The following NWD1 variants were observed in gnomAD, a reference collection of about 807,000 sequenced individuals.
The protein encoded by NWD1 is NACHT domain- and WD repeat-containing protein 1.
NWD1 carries 129 observed loss-of-function variants against 135.1 expected under a neutral mutation model. The observed-to-expected ratio is 0.96, with a 90% CI of 0.83 to 1.11. The LOEUF (loss-of-function observed/expected upper bound fraction) is 1.11. Among genes scored for constraint, NWD1 ranks in the 50% least tolerant of loss-of-function variants. The probability of loss-of-function intolerance (pLI) is 0.00; values close to 1 mark genes in which losing one functional copy is unlikely to be tolerated. For synonymous variants in NWD1, 773 were observed against 786.0 expected (o/e 0.98, Z 0.28); for missense variants, 1,740 against 1,851.3 (o/e 0.94, Z 1.10).
intron 15 of NWD1, 128 bp from the exon 16 acceptor site, chr19:16,797,604 T>C: frequency 1.2e-6 from 1 of 826,780 alleles, no homozygotes; most frequent in Non-Finnish European, 1.9e-6. Flanking sequence ...CGCCTTGGCG[T>C]CCCAAAGTGC....
chr19:16,788,977 T>C lies in NWD1; in HGVS notation c.2732-5T>C, dbSNP rs1970149390. 5.6e-6 allele frequency: 9 copies of C among 1,609,282 alleles called. No homozygotes were observed. The highest frequency in any genetic ancestry group is 6.8e-6 in the Non-Finnish European group (8 of 1,177,274). ...TATACTCTCCCCTACCCTGGCCTGC[T>C]GCAGGAGAGGTGAGGTGTGTGAAAA... On this transcript the variant is annotated splice_polypyrimidine_tract_variant and splice_region_variant and intron_variant, in intron 12 of 18. Coordinates refer to ENST00000524140, the MANE Select transcript of NWD1 (RefSeq NM_001007525.5).
At position 16,732,567 on chromosome 19, in the gene NWD1, G is replaced by T. The variant is rs547572895; in HGVS notation, c.81+1289G>T. Among the ~76,000 whole-genome samples, 12 of 144,244 alleles carry T rather than the reference G, an allele frequency of 8.3e-5. No individual in the cohort carries two copies. The East Asian group carries it at 2.4e-3, about 28-fold the overall frequency. 94.6% of individuals were successfully genotyped at this position (144,244 alleles called of 152,430 possible). On this transcript the variant is annotated intron_variant, in intron 3 of 18. Coordinates refer to ENST00000524140, the MANE Select transcript of NWD1 (RefSeq NM_001007525.5). ...TCCCAAAACAGTAGGAGCCCCTAAT[G>T]CTGTCTCCTTGTACCAATCCCTGGC...
At position 16,744,631 on chromosome 19, in the gene NWD1, T is replaced by C. The variant is rs189689886; in HGVS notation, c.409T>C (p.Leu137=). ...GEACEPEEAT[L]TSVLRSGAQE... is the part of the protein sequence containing the mutation. ...GGCCTGTGAACCAGAGGAGGCCACC[T>C]TAACTTCTGTCCTACGCTCTGGAGC... Residue 137 remains leucine, a synonymous_variant, in exon 5 of 19, where the codon TTA becomes CTA. Coordinates refer to ENST00000524140, the MANE Select transcript of NWD1 (RefSeq NM_001007525.5). 2.3e-5 allele frequency: 35 copies of C among 1,535,318 alleles called. No individual in the cohort carries two copies. Among genetic ancestry groups the C allele is most frequent in the African/African-American group, 2.7e-5 (2 of 73,060 alleles).
At chr19:16,798,376 AAGGC>A (rs879429700) in intron 16 of NWD1, among the ~76,000 whole-genome samples, 3 of 152,148 alleles carry the variant, frequency 2.0e-5, no homozygotes, top group Admixed American at 6.5e-5. Context: ...TTGGAAGGCC[AAGGC>A]AGGTGGATCA....
In NWD1 at chr19:16,800,426, T is replaced by C. The variant is rs146271791; in HGVS notation, c.3736+264T>C. ...GCACATGCCTGTATCCCCAGCTACT[T>C]GCGAGGCTGAGGCAGAATTGTTTGA... On this transcript the variant is annotated intron_variant, in intron 17 of 18. Coordinates refer to ENST00000524140, the MANE Select transcript of NWD1 (RefSeq NM_001007525.5). 2.7e-4 allele frequency among the ~76,000 whole-genome samples: 22 copies of C among 80,216 alleles called. No individual in the cohort carries two copies. The East Asian group carries it at 7.2e-3, about 26-fold the overall frequency. 52.6% of individuals were successfully genotyped at this position (80,216 alleles called of 152,430 possible). A position where few individuals can be genotyped will look rare whatever the true frequency, so the allele number is the denominator to read the frequency against.
At position 16,788,177 on chromosome 19, in the gene NWD1, C is replaced by T. The variant is rs1182373787; in HGVS notation, c.2732-805C>T. On this transcript the variant is annotated intron_variant, in intron 12 of 18. Transcript: ENST00000524140. ...CCCGGGAAGTGAAGGTTGCAATAAGCCAGGGCCACGCCACTGCACTCCAGC... is the reference window on the plus strand; with the variant it reads ...CCCGGGAAGTGAAGGTTGCAATAAGTCAGGGCCACGCCACTGCACTCCAGC... Among the ~76,000 whole-genome samples, 10 of 147,128 alleles carry T rather than the reference C, an allele frequency of 6.8e-5. No homozygotes were observed. The Admixed American group carries it at 6.9e-4, about 10-fold the overall frequency.
chr19:16,739,201 AGG>A (rs1280740406), intron 4 of NWD1, among the ~76,000 whole-genome samples: 19 of 149,628 alleles, frequency 1.3e-4, no homozygotes, highest in African/African-American at 2.5e-5. Flanking sequence ...AAAAAAAAAA[AGG>A]AGAGAGAGGC....
At chr19:16,725,447 C>T (rs889317913) in intron 2 of NWD1, among the ~76,000 whole-genome samples, 1 of 152,062 alleles carries the variant, frequency 6.6e-6, no homozygotes, top group African/African-American at 2.4e-5. Context: ...CACTGCACTC[C>T]AGCCTGGGTG....
chr19:16,748,903 G>C (rs571214178), intron 5 of NWD1, among the ~76,000 whole-genome samples: 101 of 152,236 alleles, frequency 6.6e-4, no homozygotes, highest in Non-Finnish European at 1.4e-3. Flanking sequence ...GGACCAGCAA[G>C]CCTTGGCTTG....
In NWD1 at chr19:16,817,430, G is replaced by A. The variant is rs891576154; in HGVS notation, c.*2391G>A. The A allele has an allele frequency of 6.6e-6, 1 of 151,556 alleles. No individual in the cohort carries two copies. Among genetic ancestry groups the A allele is most frequent in the African/African-American group, 2.4e-5 (1 of 41,206 alleles). The allele number at this position is 151,556 out of a possible 1,614,324, so 9.4% of individuals were successfully genotyped here. On this transcript the variant is annotated 3_prime_UTR_variant, in exon 19 of 19. Transcript: ENST00000524140. Reference sequence around the variant, plus strand: ...AGCCTGGTCAACATGGTGAAACTCTGTCTCTACTCAAAAATACAAAAATTA... The same window carrying A: ...AGCCTGGTCAACATGGTGAAACTCTATCTCTACTCAAAAATACAAAAATTA...
intron 3 of NWD1, among the ~76,000 whole-genome samples, chr19:16,735,866 G>GAAGGAAGGAGGA (rs1555717048): frequency 2.1e-4 from 6 of 28,558 alleles, no homozygotes; most frequent in Non-Finnish European, 6.3e-4. Flanking sequence ...AGGAAGGAAG[G>GAAGGAAGGAGGA]AGGAAGGAAG....
intron 4 of NWD1, 85 bp from the exon 5 acceptor site, chr19:16,744,336 C>A (rs1968208960): frequency 8.5e-7 from 1 of 1,178,290 alleles, no homozygotes; most frequent in South Asian, 1.4e-5. Context: ...ATGGTTGTAC[C>A]ACCGCACTCC....
intron 5 of NWD1, among the ~76,000 whole-genome samples, chr19:16,745,306 G>A (rs923164701): frequency 2.0e-5 from 3 of 152,056 alleles, no homozygotes; most frequent in African/African-American, 4.8e-5. Flanking sequence ...GTGAATTATG[G>A]GAGCTACAAT....
intron 10 of NWD1, among the ~76,000 whole-genome samples, chr19:16,767,718 C>T (rs1312849034): frequency 6.6e-6 from 1 of 152,068 alleles, no homozygotes; most frequent in Non-Finnish European, 1.5e-5. Context: ...TGGTCCCTCC[C>T]TCAACATGTG....
intron 18 of NWD1, among the ~76,000 whole-genome samples, chr19:16,812,069 G>A (rs895965516): frequency 4.6e-5 from 7 of 152,258 alleles, no homozygotes; most frequent in East Asian, 1.9e-4. Flanking sequence ...TCAGCACTTC[G>A]GGAAGCCGAG....
At position 16,745,745 on chromosome 19, in the gene NWD1, C is replaced by CAAAAA. The variant is rs1256912804; in HGVS notation, c.496+1028_496+1032dup. ...ACAGAGAGAGACCTGTCTCAAAAAA[C>CAAAAA]AAAAACAAAAACAAAAACAAAATTA... On this transcript the variant is annotated intron_variant, in intron 5 of 18. Coordinates refer to ENST00000524140, the MANE Select transcript of NWD1 (RefSeq NM_001007525.5). 4.7e-5 allele frequency among the ~76,000 whole-genome samples: 7 copies of CAAAAA among 148,740 alleles called. No individual in the cohort carries two copies. In the East Asian group the frequency reaches 1.4e-3, roughly 30 times the overall value.
chr19:16,769,130 A>G (rs1969327045), intron 10 of NWD1, among the ~76,000 whole-genome samples: 1 of 151,938 alleles, frequency 6.6e-6, no homozygotes, highest in Non-Finnish European at 1.5e-5. Context: ...CCAGGTGTTC[A>G]AGAGACAGGG....
intron 4 of NWD1, among the ~76,000 whole-genome samples, chr19:16,738,620 T>C (rs974731212): frequency 1.4e-5 from 2 of 144,808 alleles, no homozygotes; most frequent in Non-Finnish European, 3.0e-5. Context: ...TTCTATTTTC[T>C]GAGATCTATT....
chr19:16,785,660 A>G (rs1206488594), intron 12 of NWD1, among the ~76,000 whole-genome samples: 1 of 150,066 alleles, frequency 6.7e-6, no homozygotes, highest in Non-Finnish European at 1.5e-5. Context: ...TTTAATCTAT[A>G]TTTTTGTGTA....
Sources: allele counts gnomAD v4.1 joint callset (sites outside exome capture counted in the v4.1 genomes callset), GRCh38; gene constraint gnomAD v4.1.1; transcripts MANE v1.5; gene names NCBI Gene and HGNC (gene_info 2026-07-23, HGNC 2026-07-21).